Variants in KLF1 observed in about 807,000 individuals in gnomAD.
KLF1 encodes Krueppel-like factor 1.
KLF1 carries 29 observed loss-of-function variants against 28.0 expected under a neutral mutation model. That is an observed-to-expected ratio of 1.04 (90% CI 0.77 to 1.41). The LOEUF is 1.41. KLF1 is among the 40% of genes most tolerant of loss of function. The probability of loss-of-function intolerance (pLI) is 0.00; values close to 1 mark genes in which losing one functional copy is unlikely to be tolerated. For synonymous variants in KLF1, 262 were observed against 242.6 expected (o/e 1.08, Z -0.74); for missense variants, 508 against 515.1 (o/e 0.99, Z 0.13).
At position 12,885,472 on chromosome 19, in the gene KLF1, T is replaced by G; in HGVS notation, c.758A>C (p.Glu253Ala). 1 of 1,603,794 alleles carries G rather than the reference T, an allele frequency of 6.2e-7. No homozygotes were observed. Among genetic ancestry groups the G allele is most frequent in the Non-Finnish European group, 8.5e-7 (1 of 1,175,976 alleles). ...TVGTGLGGTAEDPGVIAETAP... is the reference protein window; with the variant it reads ...TVGTGLGGTAADPGVIAETAP... The stretch of plus-strand genomic sequence containing the variant: ...GGTCTCGGCTATCACACCTGGATCC[T>G]CTGCAGTCCCCCCGAGTCCAGTGCC... Residue 253 changes from glutamate to alanine, a missense_variant, in exon 2 of 3, where the codon GAG (glutamate) becomes GCG (alanine). Coordinates refer to ENST00000264834, the MANE Select transcript of KLF1 (RefSeq NM_006563.5). The surrounding 1 kb of genome is among the most constrained non-coding windows in gnomAD (Gnocchi z 5.6).
At position 12,885,633 on chromosome 19, in the gene KLF1, T is replaced by G. The variant is rs1298423365; in HGVS notation, c.597A>C (p.Leu199=). 2 of 1,548,258 alleles carry G rather than the reference T, an allele frequency of 1.3e-6. No individual in the cohort carries two copies. Among genetic ancestry groups the G allele is most frequent in the Non-Finnish European group, 1.7e-6 (2 of 1,146,278 alleles). ...GGTACATCGCGGGGTACCCGGACAG[T>G]AGCCCGTAGGGGGCGCCCGACGCCG... ...VPAASGAPYG[L]LSGYPAMYPA... is the part of the protein sequence containing the mutation. Residue 199 remains leucine (L), a synonymous_variant, in exon 2 of 3, where the codon CTA becomes CTC. Transcript: ENST00000264834. The surrounding 1 kb of genome is among the most constrained non-coding windows in gnomAD (Gnocchi z 5.6).
chr19:12,886,180 A>ACCCCAGTGTCCAC, intron 1 of KLF1, 38 bp from the exon 2 acceptor site: 1 of 1,512,898 alleles, frequency 6.6e-7, no homozygotes, highest in Non-Finnish European at 9.0e-7. Flanking sequence ...TTCGGTGGAC[A>ACCCCAGTGTCCAC]CTGGGGTGCC....
chr19:12,885,682 G>C lies in KLF1; in HGVS notation c.548C>G (p.Pro183Arg), dbSNP rs2145928067. 1.3e-6 allele frequency: 2 copies of C among 1,535,656 alleles called. No individual in the cohort carries two copies. Among genetic ancestry groups the C allele is most frequent in the African/African-American group, 1.4e-5 (1 of 72,670 alleles). Residue 183 changes from proline to arginine, a missense_variant, in exon 2 of 3, where the codon CCG (proline) becomes CGG (arginine). Coordinates refer to ENST00000264834, the MANE Select transcript of KLF1 (RefSeq NM_006563.5). The surrounding 1 kb of genome is among the most constrained non-coding windows in gnomAD (Gnocchi z 5.6). The stretch of plus-strand genomic sequence containing the variant: ...CGCAGGCACTGAAAGCCCGGTCCGC[G>C]GGAAGTAGCCACCCGAGGAGCCGGC... ...PGAGSSGGYF[P>R]RTGLSVPAAS... is the part of the protein sequence containing the mutation.
rs1381951415 is a variant in KLF1, at chr19:12,885,150, G to A, written c.914-90C>T. The stretch of plus-strand genomic sequence containing the variant: ...TGGCCACACCCCTTTACTCAGCCTG[G>A]GCTGGGACTAGGATGAACAAAGTGA... On this transcript the variant is annotated intron_variant, in intron 2 of 2. Transcript: ENST00000264834. The surrounding 1 kb of genome is among the most constrained non-coding windows in gnomAD (Gnocchi z 5.6). The A allele has an allele frequency of 6.7e-7, 1 of 1,496,428 alleles. No homozygotes were observed. The highest frequency in any genetic ancestry group is 9.1e-7 in the Non-Finnish European group (1 of 1,100,352). The allele number at this position is 1,496,428 out of a possible 1,614,324, so 92.7% of individuals were successfully genotyped here.
Position 12,885,589 on chromosome 19 carries a change from C to T in KLF1, c.641G>A (p.Gly214Glu). Reference protein sequence around the residue: ...PAMYPAPQYQGHFQLFRGLQG... With the variant: ...PAMYPAPQYQEHFQLFRGLQG... The stretch of plus-strand genomic sequence containing the variant: ...GAGCCCGCGGAAGAGCTGGAAGTGC[C>T]CTTGGTACTGAGGCGCCGGGTACAT... Residue 214 changes from glycine to glutamate, a missense_variant, in exon 2 of 3, where the codon GGG becomes GAG. Coordinates refer to ENST00000264834, the MANE Select transcript of KLF1 (RefSeq NM_006563.5). This position sits in a 1 kb window ranked among gnomAD's most constrained non-coding sequence, Gnocchi z 5.6. The T allele has an allele frequency of 6.4e-7, 1 of 1,558,324 alleles. No homozygotes were observed. The highest frequency in any genetic ancestry group is 8.7e-7 in the Non-Finnish European group (1 of 1,151,682).
Position 12,884,705 on chromosome 19 carries a change from G to T in KLF1, c.*180C>A, listed in dbSNP as rs547950980. The T allele has an allele frequency of 6.0e-6, 4 of 667,324 alleles. No homozygotes were observed. Among genetic ancestry groups the T allele is most frequent in the Non-Finnish European group, 1.0e-5 (4 of 387,206 alleles). 41.3% of individuals were successfully genotyped at this position (667,324 alleles called of 1,614,324 possible). Reference sequence around the variant, plus strand: ...ATTTTCCGTAAGAGGCTCCCCCAGGGCTGTCTATGGGTCCGTGTTTGATAT... The same window carrying T: ...ATTTTCCGTAAGAGGCTCCCCCAGGTCTGTCTATGGGTCCGTGTTTGATAT... On this transcript the variant is annotated 3_prime_UTR_variant, in exon 3 of 3. Transcript: ENST00000264834.
rs1346821662 is a variant in KLF1, at chr19:12,884,734, G to C, written c.*151C>G. 2.4e-6 allele frequency: 2 copies of C among 818,868 alleles called. No individual in the cohort carries two copies. Among genetic ancestry groups the C allele is most frequent in the Admixed American group, 2.1e-5 (1 of 46,724 alleles). 50.7% of individuals were successfully genotyped at this position (818,868 alleles called of 1,614,324 possible). A position where few individuals can be genotyped will look rare whatever the true frequency, so the allele number is the denominator to read the frequency against. On this transcript the variant is annotated 3_prime_UTR_variant, in exon 3 of 3. Transcript: ENST00000264834. ...TCTATGGGTCCGTGTTTGATATTTG[G>C]GTGGATCTTTGGGAACGCGAGTCCA... is the stretch of plus-strand genomic sequence containing the variant.
In KLF1 at chr19:12,885,019, T is replaced by TC. The variant is rs397514445; in HGVS notation, c.954dup (p.Arg319GlufsTer34). 1.1e-4 allele frequency: 170 copies of TC among 1,608,696 alleles called. No individual in the cohort carries two copies. The highest frequency in any genetic ancestry group is 1.4e-4 in the Non-Finnish European group (165 of 1,179,952). On this transcript the variant is annotated frameshift_variant, in exon 3 of 3. Transcript: ENST00000264834. LOFTEE classifies it high-confidence loss of function. This position sits in a 1 kb window ranked among gnomAD's most constrained non-coding sequence, Gnocchi z 5.6. ...GTCAGCTCGTCCGAGCGCGCGAATC[T>TC]CCAGCCGCAGCCTTCCCACGTGCAG...
At position 12,885,249 on chromosome 19, in the gene KLF1, AC is replaced by A. The variant is rs1220560037; in HGVS notation, c.913+67del. On this transcript the variant is annotated intron_variant, in intron 2 of 2. Transcript: ENST00000264834. The surrounding 1 kb of genome is among the most constrained non-coding windows in gnomAD (Gnocchi z 5.6). ...CCAAGTCCAAGTCCCGCCCTCTGCA[AC>A]CCTTCTTCCCCTGTAACTACAGCGG... is the stretch of plus-strand genomic sequence containing the variant. 8.3e-6 allele frequency: 12 copies of A among 1,447,060 alleles called. No individual in the cohort carries two copies. Among genetic ancestry groups the A allele is most frequent in the Non-Finnish European group, 1.1e-5 (12 of 1,062,062 alleles). The allele number at this position is 1,447,060 out of a possible 1,614,324, so 89.6% of individuals were successfully genotyped here. A position where few individuals can be genotyped will look rare whatever the true frequency, so the allele number is the denominator to read the frequency against.
At chr19:12,886,979 G>A (rs1227321161) in intron 1 of KLF1, 75 bp downstream of exon 1, 5 of 1,429,930 alleles carry the variant, frequency 3.5e-6, no homozygotes, top group South Asian at 2.3e-5. Flanking sequence ...CAAGATGCAG[G>A]TCTGGACCCC....
In KLF1 at chr19:12,884,811, G is replaced by C. The variant is rs1443961915; in HGVS notation, c.*74C>G. On this transcript the variant is annotated 3_prime_UTR_variant, in exon 3 of 3. Transcript: ENST00000264834. The stretch of plus-strand genomic sequence containing the variant: ...ACCCAGCATTGTGTCACGCGCGTCC[G>C]TGTGAAGAGACCACCAAACAGGCTT... 1 of 1,522,760 alleles carries C rather than the reference G, an allele frequency of 6.6e-7. No individual in the cohort carries two copies. The highest frequency in any genetic ancestry group is 1.7e-5 in the Admixed American group (1 of 59,834). 94.3% of individuals were successfully genotyped at this position (1,522,760 alleles called of 1,614,324 possible).
At chr19:12,886,367 G>A (rs953712568) in intron 1 of KLF1, among the ~76,000 whole-genome samples, 7 of 152,088 alleles carry the variant, frequency 4.6e-5, no homozygotes, top group Admixed American at 2.6e-4. Context: ...CAGGAGATAA[G>A]ACTTCCACTA....
Position 12,885,558 on chromosome 19 carries a change from T to A in KLF1, c.672A>T (p.Gly224=). 1.3e-6 allele frequency: 2 copies of A among 1,566,796 alleles called. No individual in the cohort carries two copies. Among genetic ancestry groups the A allele is most frequent in the Non-Finnish European group, 8.6e-7 (1 of 1,156,730 alleles). ...GHFQLFRGLQ[G]PAPGPATSPS... ...GGGACGTGGCGGGACCGGGCGCGGG[T>A]CCCTGGAGCCCGCGGAAGAGCTGGA... Residue 224 remains glycine (G), a synonymous_variant, in exon 2 of 3, where the codon GGA becomes GGT. Transcript: ENST00000264834. The surrounding 1 kb of genome is among the most constrained non-coding windows in gnomAD (Gnocchi z 5.6).
Position 12,887,006 on chromosome 19 carries a change from G to C in KLF1, c.87+48C>G. The C allele has an allele frequency of 2.5e-6, 4 of 1,576,536 alleles. No individual in the cohort carries two copies. The highest frequency in any genetic ancestry group is 3.5e-6 in the Non-Finnish European group (4 of 1,145,698). ...CTGGACCCCAAGATCTGTGACTGTG[G>C]CCCTGGATTCCAGCCAGCCCACCTA... On this transcript the variant is annotated intron_variant, in intron 1 of 2. Transcript: ENST00000264834. The surrounding 1 kb of genome is among the most constrained non-coding windows in gnomAD (Gnocchi z 4.7).
rs1490648081 is a variant in KLF1 at position 12,884,949 on chromosome 19, T to A, written c.1025A>T (p.Gln342Leu). The change falls in exon 3 of 3, where the codon CAG becomes CTG. Residue 342 changes from glutamine (Q) to leucine (L), a missense_variant. Transcript: ENST00000264834. Reference protein sequence around the residue: ...KHTGQRPFRCQLCPRAFSRSD... With the variant: ...KHTGQRPFRCLLCPRAFSRSD... ...GCGCGAAAAAGCACGTGGGCAGAGC[T>A]GGCAGCGGAAGGGGCGCTGCCCCGT... The A allele has an allele frequency of 6.2e-7, 1 of 1,613,914 alleles. No individual in the cohort carries two copies. The highest frequency in any genetic ancestry group is 8.5e-7 in the Non-Finnish European group (1 of 1,180,026).
Position 12,885,893 on chromosome 19 carries a change from G to T in KLF1, c.337C>A (p.Leu113Met), listed in dbSNP as rs1970439780. The change falls in exon 2 of 3, where the codon CTG (leucine) becomes ATG (methionine). Residue 113 changes from leucine (L) to methionine (M), a missense_variant. By Grantham distance (15) the Leu-to-Met change is conservative. Coordinates refer to ENST00000264834, the MANE Select transcript of KLF1 (RefSeq NM_006563.5). The surrounding 1 kb of genome is among the most constrained non-coding windows in gnomAD (Gnocchi z 5.6). ...CCCGGGCCGCCAGCATATGCGCCCA[G>T]AGTCTCGGGCGGCGGCGGATATTGC... ...GAQYPPPPET[L>M]GAYAGGPGLV... is the part of the protein sequence containing the mutation. The T allele has an allele frequency of 3.2e-6, 5 of 1,551,936 alleles. No individual in the cohort carries two copies. The African/African-American group carries it at 4.1e-5, about 13-fold the overall frequency.
chr19:12,885,725 C>G lies in KLF1; in HGVS notation c.505G>C (p.Val169Leu), dbSNP rs772370273. ...PEPKALALQPVYPGPGAGSSG... is the reference protein window; with the variant it reads ...PEPKALALQPLYPGPGAGSSG... ...GAGCCGGCGCCGGGCCCCGGGTACACCGGTTGCAGCGCCAGCGCCTTGGGC... is the reference window on the plus strand; with the variant it reads ...GAGCCGGCGCCGGGCCCCGGGTACAGCGGTTGCAGCGCCAGCGCCTTGGGC... Residue 169 changes from valine to leucine, a missense_variant, in exon 2 of 3, where the codon GTG (valine) becomes CTG (leucine). Val to Leu is a conservative substitution (Grantham distance 32). Coordinates refer to ENST00000264834, the MANE Select transcript of KLF1 (RefSeq NM_006563.5). The surrounding 1 kb of genome is among the most constrained non-coding windows in gnomAD (Gnocchi z 5.6). The G allele has an allele frequency of 6.6e-7, 1 of 1,512,856 alleles. No homozygotes were observed. Among genetic ancestry groups the G allele is most frequent in the Non-Finnish European group, 8.8e-7 (1 of 1,131,656 alleles). 93.7% of individuals were successfully genotyped at this position (1,512,856 alleles called of 1,614,324 possible). A position where few individuals can be genotyped will look rare whatever the true frequency, so the allele number is the denominator to read the frequency against.
In KLF1 at chr19:12,886,132, G is replaced by A; in HGVS notation, c.98C>T (p.Ser33Phe). ...TQDDFLKWWR[S>F]EEAQDMGPGP... ...CGGGCCCATGTCCTGCGCCTCTTCGGAGCGCCACCACTGCGGGAGGGAGCA... is the reference window on the plus strand; with the variant it reads ...CGGGCCCATGTCCTGCGCCTCTTCGAAGCGCCACCACTGCGGGAGGGAGCA... The change falls in exon 2 of 3, where the codon TCC becomes TTC. Residue 33 changes from serine (S) to phenylalanine (F), a missense_variant. Coordinates refer to ENST00000264834, the MANE Select transcript of KLF1 (RefSeq NM_006563.5). 1 of 1,601,392 alleles carries A rather than the reference G, an allele frequency of 6.2e-7. No individual in the cohort carries two copies. The highest frequency in any genetic ancestry group is 8.5e-7 in the Non-Finnish European group (1 of 1,177,852).
chr19:12,885,070 A>C lies in KLF1; in HGVS notation c.914-10T>G. ...GCGTATGGCTTCTCCCCTAGGGGAC[A>C]AGGAAGCCATAAGCGCCACTGTCTG... On this transcript the variant is annotated splice_polypyrimidine_tract_variant and intron_variant, in intron 2 of 2. Coordinates refer to ENST00000264834, the MANE Select transcript of KLF1 (RefSeq NM_006563.5). This position sits in a 1 kb window ranked among gnomAD's most constrained non-coding sequence, Gnocchi z 5.6. The C allele has an allele frequency of 2.5e-6, 4 of 1,602,138 alleles. No homozygotes were observed. Among genetic ancestry groups the C allele is most frequent in the Non-Finnish European group, 3.4e-6 (4 of 1,179,680 alleles).
Sources: allele counts gnomAD v4.1 joint callset (sites outside exome capture counted in the v4.1 genomes callset), GRCh38; gene constraint gnomAD v4.1.1; non-coding constraint Gnocchi (gnomAD v3.1); transcripts MANE v1.5; gene names NCBI Gene and HGNC (gene_info 2026-07-23, HGNC 2026-07-21).